The following SIPA1L1 variants were observed in gnomAD, a reference collection of about 807,000 sequenced individuals.
SIPA1L1 encodes signal-induced proliferation-associated 1-like protein 1.
SIPA1L1 carries 26 observed loss-of-function variants against 162.7 expected under a neutral mutation model. The ratio of observed to expected loss-of-function variants is 0.16; its 90% CI spans 0.12 to 0.22. SIPA1L1 has a LOEUF of 0.22. Ranked by LOEUF, SIPA1L1 falls within the 10% of genes least tolerant of loss-of-function variation. The pLI is 1.00. For missense variants in SIPA1L1, 1,874 were observed against 2,241.0 expected (o/e 0.84, Z 3.31); for synonymous variants, 829 against 837.4 (o/e 0.99, Z 0.17).
intron 4 of SIPA1L1, among the ~76,000 whole-genome samples, chr14:71,577,378 T>C (rs149749145): frequency 0.016 from 2,382 of 151,714 alleles, 25 homozygotes; most frequent in East Asian, 0.022. Flanking sequence ...AGTGAGCACT[T>C]ATTTTTTTTT....
At chr14:71,608,032 A>T (rs936344279) in intron 5 of SIPA1L1, among the ~76,000 whole-genome samples, 4 of 152,162 alleles carry the variant, frequency 2.6e-5, no homozygotes, top group East Asian at 1.9e-4. Flanking sequence ...CTCAAAAAAA[A>T]TTTTGCTTTA....
At chr14:71,635,977 T>G (rs1290968265) in intron 7 of SIPA1L1, among the ~76,000 whole-genome samples, 1 of 152,042 alleles carries the variant, frequency 6.6e-6, no homozygotes, top group African/African-American at 2.4e-5. Context: ...AGAGGATCAT[T>G]GCATAATGAT....
At position 71,491,553 on chromosome 14, in the gene SIPA1L1, T is replaced by C. The variant is rs935868737; in HGVS notation, c.-464-21190T>C. Among the ~76,000 whole-genome samples the C allele has an allele frequency of 8.6e-5, 13 of 150,498 alleles. No homozygotes were observed. The East Asian group carries it at 2.1e-3, about 25-fold the overall frequency. On this transcript the variant is annotated intron_variant, in intron 2 of 23. Transcript: ENST00000381232. ...TGTTGTTGTTGTTGTTATTGTTGTT[T>C]TGAGATAATCTCATTCTGTCGTCCA...
At chr14:71,417,487 A>G (rs2042874558) in intron 2 of SIPA1L1, among the ~76,000 whole-genome samples, 1 of 142,946 alleles carries the variant, frequency 7.0e-6, no homozygotes, top group Non-Finnish European at 1.5e-5. Flanking sequence ...AAAAAAAAAA[A>G]AAAAAAAAAA....
intron 4 of SIPA1L1, among the ~76,000 whole-genome samples, chr14:71,536,022 G>A (rs1045575470): frequency 2.0e-5 from 3 of 151,276 alleles, no homozygotes; most frequent in African/African-American, 4.9e-5. Context: ...GCAGCTTCAC[G>A]TAACTTAACA....
rs1334468131 is a variant in SIPA1L1, at chr14:71,672,375, G to C, written c.2857G>C (p.Glu953Gln). 2 of 1,614,078 alleles carry C rather than the reference G, an allele frequency of 1.2e-6. No homozygotes were observed. Among genetic ancestry groups the C allele is most frequent in the African/African-American group, 2.7e-5 (2 of 74,924 alleles). Residue 953 changes from glutamate (E) to glutamine (Q), a missense_variant, in exon 12 of 24, where the codon GAG (glutamate) becomes CAG (glutamine). Around this residue, in one of 5 missense-constraint regions of SIPA1L1, gnomAD observed 10 missense variants for 28.9 expected, o/e 0.35. Coordinates refer to ENST00000381232, the MANE Select transcript of SIPA1L1 (RefSeq NM_001386936.1). ...TGTTTCAAAAGGCTGTGAATCGGTG[G>C]AGATGACTCTGCGAAGAAATGGGCT... is the stretch of plus-strand genomic sequence containing the variant. ...QFVSKGCESVEMTLRRNGLGQ... is the reference protein window; with the variant it reads ...QFVSKGCESVQMTLRRNGLGQ...
chr14:71,470,739 T>C (rs934297473), intron 2 of SIPA1L1, among the ~76,000 whole-genome samples: 3 of 152,186 alleles, frequency 2.0e-5, no homozygotes, highest in African/African-American at 7.2e-5. Flanking sequence ...GTGACTATTA[T>C]GTAGTTTAAT....
intron 12 of SIPA1L1, among the ~76,000 whole-genome samples, chr14:71,680,331 G>T (rs1355542877): frequency 6.6e-6 from 1 of 152,178 alleles, no homozygotes. Flanking sequence ...TGACTACTGG[G>T]TTTATAACGA....
chr14:71,641,281 A>G (rs1325850051), intron 7 of SIPA1L1, among the ~76,000 whole-genome samples: 1 of 138,460 alleles, frequency 7.2e-6, no homozygotes, highest in Non-Finnish European at 1.6e-5. Flanking sequence ...AAGATAATCT[A>G]AAAAAAAAAA....
chr14:71,664,989 G>A (rs766252523), intron 10 of SIPA1L1, among the ~76,000 whole-genome samples: 2 of 152,130 alleles, frequency 1.3e-5, no homozygotes, highest in African/African-American at 2.4e-5. Context: ...AAGGAGGATG[G>A]AAAGTACAAT....
intron 1 of SIPA1L1, among the ~76,000 whole-genome samples, 183 bp from the exon 2 acceptor site, chr14:71,320,939 G>C (rs1213307421): frequency 6.6e-6 from 1 of 151,970 alleles, no homozygotes; most frequent in Non-Finnish European, 1.5e-5. Flanking sequence ...CCCCCCGCCA[G>C]CCTGTATTCC....
rs113067704 is a variant in SIPA1L1, at chr14:71,684,910, C to T, written c.3105-452C>T. Among the ~76,000 whole-genome samples, 949 of 151,682 alleles carry T rather than the reference C, an allele frequency of 6.3e-3. 9 individuals carry two copies. Among genetic ancestry groups the T allele is most frequent in the African/African-American group, 0.022 (903 of 41,326 alleles). ...CTCGTTCACCCTTTTGGAGCCCAGT[C>T]ACGATGTGCAGTGGCGGGTTGTGAA... On this transcript the variant is annotated intron_variant, in intron 12 of 23. Transcript: ENST00000381232.
intron 2 of SIPA1L1, among the ~76,000 whole-genome samples, chr14:71,441,731 G>A (rs1243203985): frequency 6.6e-6 from 1 of 152,162 alleles, no homozygotes; most frequent in Non-Finnish European, 1.5e-5. Context: ...GACTGGCTAA[G>A]TTTTTGATTA....
At chr14:71,552,461 G>A (rs936124541) in intron 4 of SIPA1L1, among the ~76,000 whole-genome samples, 7 of 150,222 alleles carry the variant, frequency 4.7e-5, no homozygotes, top group Non-Finnish European at 7.4e-5. Context: ...GCACAATCTC[G>A]GCTCACTGCA....
chr14:71,449,951 A>T (rs2045689867), intron 2 of SIPA1L1, among the ~76,000 whole-genome samples: 1 of 152,116 alleles, frequency 6.6e-6, no homozygotes, highest in Non-Finnish European at 1.5e-5. Context: ...GCATTGACTC[A>T]TTTTTTTGAA....
chr14:71,567,563 A>G (rs34805903), intron 4 of SIPA1L1, among the ~76,000 whole-genome samples: 533 of 152,174 alleles, frequency 3.5e-3, no homozygotes, highest in Non-Finnish European at 5.6e-3. Context: ...GAGCAAACTT[A>G]TAGTTATTTC....
rs369265058 is a variant in SIPA1L1 at position 71,739,047 on chromosome 14, G to A, written c.5238G>A (p.Ala1746=). ...AAGAAGACAAAGCTCACCTTCAGGC[G>A]GAGGTGCAGCACCTGCGAGAGGACA... ...KEKEDKAHLQ[A]EVQHLREDNL... Residue 1746 remains alanine (A), a synonymous_variant, in exon 24 of 24, where the codon GCG becomes GCA. Transcript: ENST00000381232. The A allele has an allele frequency of 1.3e-5, 21 of 1,613,818 alleles. No individual in the cohort carries two copies. Among genetic ancestry groups the A allele is most frequent in the South Asian group, 2.2e-5 (2 of 91,060 alleles).
intron 2 of SIPA1L1, among the ~76,000 whole-genome samples, chr14:71,442,797 G>A (rs1040242421): frequency 2.0e-5 from 3 of 152,130 alleles, no homozygotes; most frequent in Non-Finnish European, 2.9e-5. Flanking sequence ...TTAGCCAAGC[G>A]TGATGGCATG....
intron 2 of SIPA1L1, among the ~76,000 whole-genome samples, chr14:71,436,107 C>G (rs958760057): frequency 9.3e-6 from 1 of 107,470 alleles, no homozygotes; most frequent in Admixed American, 9.3e-5. Flanking sequence ...AACATACTAT[C>G]GTGTGCTTAA....
Sources: gnomAD v4.1 joint callset for allele counts (sites outside exome capture counted in the v4.1 genomes callset) on GRCh38, gnomAD v4.1.1 for gene constraint, gnomAD v4.1.1 regional missense constraint, MANE v1.5 for transcripts, NCBI Gene and HGNC (gene_info 2026-07-23, HGNC 2026-07-21) for gene names.